The following TENM2 variants were observed in gnomAD, a reference collection of about 807,000 sequenced individuals.
TENM2 encodes teneurin transmembrane protein 2, also known as teneurin-2.
TENM2 carries 52 observed loss-of-function variants against 245.2 expected under a neutral mutation model. The ratio of observed to expected loss-of-function variants is 0.21; its 90% CI spans 0.17 to 0.27. The LOEUF is 0.27. Among genes scored for constraint, TENM2 ranks in the 10% least tolerant of loss-of-function variants. TENM2 has a pLI of 1.00. For synonymous variants in TENM2, 1,363 were observed against 1,438.9 expected (o/e 0.95, Z 1.19); for missense variants, 3,046 against 3,666.8 (o/e 0.83, Z 4.37).
intron 2 of TENM2, among the ~76,000 whole-genome samples, chr5:167,663,141 GGAGAGAGAGAGAGAGAGA>G (rs544699415): frequency 2.6e-4 from 28 of 108,582 alleles, no homozygotes; most frequent in East Asian, 7.7e-4. Flanking sequence ...ATGGGGATGG[GGAGAGAGAGAGAGAGAGA>G]GAGAGAGAGA....
rs547466922 is a variant in TENM2, at chr5:168,023,265, C to T, written c.1187-24162C>T. 2.6e-5 allele frequency among the ~76,000 whole-genome samples: 4 copies of T among 152,312 alleles called. No individual in the cohort carries two copies. The South Asian group carries it at 8.3e-4, about 32-fold the overall frequency. On this transcript the variant is annotated intron_variant, in intron 5 of 28. Coordinates refer to ENST00000518659, the Ensembl canonical transcript of TENM2. ...TTGAATTGCTTTGAAATTGGATATT[C>T]AAAATTCAATAAAAATAAGCCAGCC...
intron 2 of TENM2, among the ~76,000 whole-genome samples, chr5:167,826,451 T>G (rs1410923069): frequency 6.6e-6 from 1 of 152,176 alleles, no homozygotes; most frequent in African/African-American, 2.4e-5. Flanking sequence ...CTTGATAGAC[T>G]CTGCAAAAGG....
chr5:168,047,409 A>G lies in TENM2; in HGVS notation c.1187-18A>G. ...TGAATTATCTATTCATATTTTCATT[A>G]CTTTGTCTCTCCTGCAGCAATGCAT... is the stretch of plus-strand genomic sequence containing the variant. On this transcript the variant is annotated intron_variant, in intron 5 of 28. Coordinates refer to ENST00000518659, the Ensembl canonical transcript of TENM2. 1.3e-6 allele frequency: 2 copies of G among 1,551,522 alleles called. No homozygotes were observed. Among genetic ancestry groups the G allele is most frequent in the South Asian group, 2.4e-5 (2 of 84,058 alleles).
chr5:167,846,414 A>G (rs1051139305), intron 2 of TENM2, among the ~76,000 whole-genome samples: 2 of 152,224 alleles, frequency 1.3e-5, no homozygotes, highest in African/African-American at 4.8e-5. Context: ...AAGTCATTTC[A>G]TTTCGGAATT....
chr5:166,991,602 G>T, the TENM2 span, among the ~76,000 whole-genome samples: 1 of 152,120 alleles, frequency 6.6e-6, no homozygotes, highest in African/African-American at 2.4e-5. Flanking sequence ...GCTATAATTT[G>T]CAGAAATGAC....
chr5:167,546,283 TTTTG>T (rs1772555404), intron 2 of TENM2, among the ~76,000 whole-genome samples: 1 of 152,198 alleles, frequency 6.6e-6, no homozygotes, highest in Non-Finnish European at 1.5e-5. Context: ...TGTCTTCTTT[TTTTG>T]TTTGTTTTTA....
At chr5:167,953,997 A>G (rs985664903) in intron 4 of TENM2, among the ~76,000 whole-genome samples, 1 of 152,160 alleles carries the variant, frequency 6.6e-6, no homozygotes, top group African/African-American at 2.4e-5. Flanking sequence ...TTGCTTTATT[A>G]AGAGAAACTA....
the TENM2 span, among the ~76,000 whole-genome samples, chr5:167,192,951 A>G: frequency 6.6e-6 from 1 of 152,152 alleles, no homozygotes; most frequent in East Asian, 1.9e-4. Flanking sequence ...GAGGCAGCAG[A>G]GAAATCTTAT....
intron 2 of TENM2, among the ~76,000 whole-genome samples, chr5:167,690,970 T>TGG (rs143481347): frequency 7.0e-6 from 1 of 142,190 alleles, no homozygotes; most frequent in African/African-American, 2.6e-5. Flanking sequence ...TGTGTGTGTG[T>TGG]AGAGAGAGAG....
chr5:168,061,997 A>G (rs1021382891), intron 6 of TENM2, 63 bp from the exon 9 acceptor site: 155 of 1,424,414 alleles, frequency 1.1e-4, no homozygotes, highest in Admixed American at 4.3e-4. Context: ...TAATTAAACA[A>G]ATATAGAGCC....
intron 2 of TENM2, among the ~76,000 whole-genome samples, chr5:167,462,922 A>G (rs569314627): frequency 2.6e-5 from 4 of 152,094 alleles, no homozygotes; most frequent in African/African-American, 4.8e-5. Context: ...GTCTTTATCA[A>G]TTCTATAGGG....
At chr5:168,039,576 A>G (rs1347326955) in intron 5 of TENM2, among the ~76,000 whole-genome samples, 2 of 151,914 alleles carry the variant, frequency 1.3e-5, no homozygotes, top group Admixed American at 1.3e-4. Flanking sequence ...TGCAGCAGGA[A>G]CGGGGTGGTC....
At chr5:168,011,507 TC>T (rs1160882318) in intron 5 of TENM2, among the ~76,000 whole-genome samples, 1 of 152,242 alleles carries the variant, frequency 6.6e-6, no homozygotes, top group African/African-American at 2.4e-5. Context: ...GGTTGAAAAT[TC>T]CTGCTCTAAT....
At chr5:167,393,457 G>A (rs1454660836) in intron 2 of TENM2, among the ~76,000 whole-genome samples, 2 of 152,142 alleles carry the variant, frequency 1.3e-5, no homozygotes, top group Non-Finnish European at 2.9e-5. Flanking sequence ...GATTTCAGGG[G>A]TGTGGCATTT....
intron 2 of TENM2, among the ~76,000 whole-genome samples, chr5:167,427,516 A>AAGGG (rs1391685354): frequency 1.4e-5 from 2 of 146,880 alleles, no homozygotes; most frequent in Admixed American, 6.8e-5. Flanking sequence ...GAAGGGAAGG[A>AAGGG]AGGGAGGGAG....
intron 18 of TENM2, 118 bp from the exon 21 acceptor site, chr5:168,204,254 A>C: frequency 5.4e-6 from 6 of 1,106,046 alleles, no homozygotes; most frequent in South Asian, 1.7e-5. Context: ...AAGAAGTTGG[A>C]GAGCTCCCCG....
chr5:167,066,237 A>G, the TENM2 span, among the ~76,000 whole-genome samples: 1 of 152,164 alleles, frequency 6.6e-6, no homozygotes, highest in Middle Eastern at 3.2e-3. Flanking sequence ...GATAATTACT[A>G]TATTACCAAA....
At chr5:167,531,671 CCTCT>C (rs1036988673) in intron 2 of TENM2, among the ~76,000 whole-genome samples, 9 of 151,812 alleles carry the variant, frequency 5.9e-5, no homozygotes, top group African/African-American at 1.9e-4. Context: ...ACCCCTTTCT[CCTCT>C]CTAAGTTCAA....
At chr5:168,225,012 A>ACAT (rs933124728) in intron 23 of TENM2, among the ~76,000 whole-genome samples, 1 of 152,240 alleles carries the variant, frequency 6.6e-6, no homozygotes, top group Non-Finnish European at 1.5e-5. Context: ...GAAAGACGAC[A>ACAT]CATATACATA....
Sources: allele counts gnomAD v4.1 joint callset (sites outside exome capture counted in the v4.1 genomes callset), GRCh38; gene constraint gnomAD v4.1.1; transcripts MANE v1.5; gene names NCBI Gene and HGNC (gene_info 2026-07-23, HGNC 2026-07-21).